The following KIAA0825 variants were observed in gnomAD, a reference collection of about 807,000 sequenced individuals.
KIAA0825 encodes the protein uncharacterized protein KIAA0825.
A neutral mutation model predicts 147.6 loss-of-function variants in KIAA0825; 119 were observed. That is an observed-to-expected ratio of 0.81 (90% CI 0.69 to 0.94). The LOEUF is 0.94. Among genes scored for constraint, KIAA0825 ranks in the 40% least tolerant of loss-of-function variants. KIAA0825 has a pLI of 0.00. For synonymous variants in KIAA0825, 470 were observed against 518.1 expected, an observed-to-expected ratio of 0.91 and a Z score of 1.26; for missense variants, 1,381 against 1,472.7, an observed-to-expected ratio of 0.94 and a Z score of 1.02.
At chr5:94,220,882 A>T (rs943741830) in intron 20 of KIAA0825, among the ~76,000 whole-genome samples, 1 of 152,176 alleles carries the variant, frequency 6.6e-6, no homozygotes, top group African/African-American at 2.4e-5. Context: ...TGGGACTGAA[A>T]ACTATTAATA....
At chr5:94,600,073 T>C (rs1445139207) in intron 1 of KIAA0825, among the ~76,000 whole-genome samples, 1 of 152,130 alleles carries the variant, frequency 6.6e-6, no homozygotes, top group African/African-American at 2.4e-5. Context: ...CATGAAAAAA[T>C]GTTTAACATC....
intron 20 of KIAA0825, among the ~76,000 whole-genome samples, chr5:94,167,172 A>G (rs1768126943): frequency 6.6e-6 from 1 of 152,138 alleles, no homozygotes; most frequent in Admixed American, 6.5e-5. Flanking sequence ...CGTTCTCCGG[A>G]TGATGAAAAT....
rs1315125782 is a variant in KIAA0825, at chr5:94,246,086, C to T, written c.3711-91962G>A. Among the ~76,000 whole-genome samples the T allele has an allele frequency of 3.3e-5, 5 of 152,100 alleles. No individual in the cohort carries two copies. The East Asian group carries it at 9.7e-4, about 29-fold the overall frequency. ...CTTAGTTCGACAATGAGATTTTCTC[C>T]CATATAGATTAAAAACAGACCCTGG... On this transcript the variant is annotated intron_variant, in intron 20 of 20. Coordinates refer to ENST00000682413, the MANE Select transcript of KIAA0825 (RefSeq NM_001145678.3).
At chr5:94,548,089 T>G (rs1774814561) in intron 2 of KIAA0825, among the ~76,000 whole-genome samples, 1 of 152,142 alleles carries the variant, frequency 6.6e-6, no homozygotes, top group South Asian at 2.1e-4. Flanking sequence ...CAAAACTCAC[T>G]GGTAATTGTA....
chr5:94,308,445 A>T (rs567690564), intron 20 of KIAA0825, among the ~76,000 whole-genome samples: 7 of 151,892 alleles, frequency 4.6e-5, no homozygotes, highest in Admixed American at 2.0e-4. Context: ...CTTAAAGTAA[A>T]GGAAAAATAG....
At chr5:94,609,944 A>G (rs1253159472) in intron 1 of KIAA0825, among the ~76,000 whole-genome samples, 1 of 152,222 alleles carries the variant, frequency 6.6e-6, no homozygotes, top group Non-Finnish European at 1.5e-5. Flanking sequence ...ACCTTGGAAG[A>G]ACTGAACTGC....
intron 6 of KIAA0825, among the ~76,000 whole-genome samples, chr5:94,480,076 A>T (rs867358126): frequency 3.3e-5 from 5 of 151,988 alleles, no homozygotes; most frequent in African/African-American, 4.8e-5. Context: ...TTATTTAGCA[A>T]TTCTACTTTT....
intron 20 of KIAA0825, among the ~76,000 whole-genome samples, chr5:94,196,533 A>T (rs1057002654): frequency 7.3e-5 from 11 of 151,494 alleles, no homozygotes; most frequent in African/African-American, 2.2e-4. Flanking sequence ...ATAGAATGTC[A>T]TGGGGGTTTG....
chr5:94,191,427 A>G (rs891415458), intron 20 of KIAA0825, among the ~76,000 whole-genome samples: 3 of 152,240 alleles, frequency 2.0e-5, no homozygotes, highest in African/African-American at 7.2e-5. Context: ...AATAGTCTCC[A>G]TAAAAATACA....
At chr5:94,526,696 C>T (rs1222537892) in intron 3 of KIAA0825, among the ~76,000 whole-genome samples, 1 of 151,948 alleles carries the variant, frequency 6.6e-6, no homozygotes, top group East Asian at 1.9e-4. Flanking sequence ...GTAAAAATTG[C>T]TTATTGAATG....
At chr5:94,610,458 GAAAAA>G (rs1330322330) in intron 1 of KIAA0825, among the ~76,000 whole-genome samples, 2 of 143,460 alleles carry the variant, frequency 1.4e-5, no homozygotes, top group African/African-American at 5.2e-5. Flanking sequence ...AAAAAGAAAA[GAAAAA>G]AGAAAAGTCA....
At chr5:94,174,922 A>T (rs151204500) in intron 20 of KIAA0825, among the ~76,000 whole-genome samples, 57 of 152,262 alleles carry the variant, frequency 3.7e-4, no homozygotes, top group African/African-American at 1.3e-3. Flanking sequence ...ATCACCCTGG[A>T]TGCCCTCTTC....
intron 2 of KIAA0825, among the ~76,000 whole-genome samples, chr5:94,549,506 G>A (rs1561299770): frequency 1.3e-5 from 2 of 152,196 alleles, no homozygotes; most frequent in African/African-American, 2.4e-5. Context: ...GAGGTCAGGA[G>A]CTCAAGACCA....
intron 1 of KIAA0825, among the ~76,000 whole-genome samples, chr5:94,605,197 C>T (rs1220839379): frequency 6.6e-6 from 1 of 152,070 alleles, no homozygotes; most frequent in Non-Finnish European, 1.5e-5. Flanking sequence ...GACATACATC[C>T]TCTCATGACT....
intron 5 of KIAA0825, among the ~76,000 whole-genome samples, chr5:94,516,673 C>G (rs188197969): frequency 0.017 from 2,408 of 138,760 alleles, 30 homozygotes; most frequent in Non-Finnish European, 0.026. Context: ...CGCCTGTAGT[C>G]CCAGCTACTC....
intron 20 of KIAA0825, among the ~76,000 whole-genome samples, chr5:94,201,577 A>T (rs548218305): frequency 1.3e-5 from 2 of 151,388 alleles, no homozygotes; most frequent in South Asian, 2.1e-4. Context: ...CTTGCTAATT[A>T]AAAAAAAGGT....
intron 20 of KIAA0825, among the ~76,000 whole-genome samples, chr5:94,166,931 G>A (rs1162748377): frequency 6.6e-6 from 1 of 151,948 alleles, no homozygotes; most frequent in African/African-American, 2.4e-5. Flanking sequence ...CTTAGAGAAG[G>A]GACAGATATA....
intron 19 of KIAA0825, 53 bp from the exon 20 acceptor site, chr5:94,384,511 T>C (rs780897502): frequency 7.1e-6 from 10 of 1,410,110 alleles, no homozygotes; most frequent in Non-Finnish European, 9.8e-6. Flanking sequence ...TCAGAGTTAA[T>C]ATGATCAGTA....
At chr5:94,580,047 G>T (rs1030308590) in intron 2 of KIAA0825, among the ~76,000 whole-genome samples, 3 of 152,152 alleles carry the variant, frequency 2.0e-5, no homozygotes, top group African/African-American at 7.2e-5. Flanking sequence ...AAGCCAATGT[G>T]TAGGAAAAGT....
Sources: allele counts gnomAD v4.1 joint callset (sites outside exome capture counted in the v4.1 genomes callset), GRCh38; gene constraint gnomAD v4.1.1; transcripts MANE v1.5; gene names NCBI Gene and HGNC (gene_info 2026-07-23, HGNC 2026-07-21).